Variants in FIGN observed in about 807,000 individuals in gnomAD.
FIGN encodes the protein fidgetin.
Under a neutral mutation model 51.3 loss-of-function variants are expected in FIGN, and 11 were observed. That is an observed-to-expected ratio of 0.21 (90% CI 0.13 to 0.35). The LOEUF (loss-of-function observed/expected upper bound fraction) is 0.35. Among genes scored for constraint, FIGN ranks in the 10% least tolerant of loss-of-function variants. FIGN has a pLI of 1.00. For missense variants in FIGN, 857 were observed against 943.6 expected, an observed-to-expected ratio of 0.91 and a Z score of 1.20; for synonymous variants, 407 against 363.2, an observed-to-expected ratio of 1.12 and a Z score of -1.37.
chr2:163,629,156 G>A (rs1000235526), intron 2 of FIGN, among the ~76,000 whole-genome samples: 18 of 151,988 alleles, frequency 1.2e-4, no homozygotes, highest in East Asian at 1.9e-4. Context: ...AAAACTCTTC[G>A]GTTATACAAA....
intron 2 of FIGN, among the ~76,000 whole-genome samples, chr2:163,639,557 C>T (rs1219891887): frequency 5.3e-5 from 8 of 152,066 alleles, no homozygotes; most frequent in African/African-American, 1.4e-4. Flanking sequence ...ACTCAAACCA[C>T]GGTGATAGTG....
chr2:163,677,655 A>G (rs1683992955), intron 2 of FIGN, among the ~76,000 whole-genome samples: 1 of 152,232 alleles, frequency 6.6e-6, no homozygotes, highest in Non-Finnish European at 1.5e-5. Context: ...CTTATTTAAA[A>G]AAGGATTCTT....
Position 163,645,025 on chromosome 2 carries a change from C to T in FIGN, c.26-33219G>A, listed in dbSNP as rs117343414. The stretch of plus-strand genomic sequence containing the variant: ...CTGACTATGGTGATGGCTGCATATA[C>T]CTGTGGCTATACTAGAAACTATTGA... On this transcript the variant is annotated intron_variant, in intron 2 of 2. Transcript: ENST00000333129. Among the ~76,000 whole-genome samples, 24 of 152,134 alleles carry T rather than the reference C, an allele frequency of 1.6e-4. No individual in the cohort carries two copies. In the East Asian group the frequency reaches 4.4e-3, roughly 28 times the overall value.
Position 163,607,488 on chromosome 2 carries a change from C to T in FIGN, c.*2064G>A, listed in dbSNP as rs1192435606. 1 of 152,288 alleles carries T rather than the reference C, an allele frequency of 6.6e-6. No homozygotes were observed. The highest frequency in any genetic ancestry group is 1.9e-4 in the East Asian group (1 of 5,176). 9.4% of individuals were successfully genotyped at this position (152,288 alleles called of 1,614,324 possible). On this transcript the variant is annotated 3_prime_UTR_variant, in exon 3 of 3. Transcript: ENST00000333129. ...AAAAAGGGGAGTAAAGATCAAGCATCATAAAATTTCAGAGATAAGAAATCC... is the reference window on the plus strand; with the variant it reads ...AAAAAGGGGAGTAAAGATCAAGCATTATAAAATTTCAGAGATAAGAAATCC...
intron 2 of FIGN, among the ~76,000 whole-genome samples, chr2:163,677,227 C>T (rs1683987183): frequency 6.6e-6 from 1 of 152,208 alleles, no homozygotes; most frequent in Admixed American, 6.5e-5. Context: ...AAATAGGAAG[C>T]TCTACTGTTT....
At chr2:163,676,016 C>G (rs1573942905) in intron 2 of FIGN, among the ~76,000 whole-genome samples, 1 of 151,510 alleles carries the variant, frequency 6.6e-6, no homozygotes, top group East Asian at 1.9e-4. Context: ...ATTGTGACTT[C>G]AGTATTTAGA....
chr2:163,714,961 G>A (rs577622940), intron 2 of FIGN, among the ~76,000 whole-genome samples: 2 of 152,304 alleles, frequency 1.3e-5, no homozygotes, highest in East Asian at 3.9e-4. Flanking sequence ...GGCCTAAAAT[G>A]TGAATTTAAC....
intron 2 of FIGN, among the ~76,000 whole-genome samples, chr2:163,672,885 T>G (rs1293782979): frequency 6.6e-6 from 1 of 152,226 alleles, no homozygotes; most frequent in African/African-American, 2.4e-5. Flanking sequence ...TTGAATGAGA[T>G]GTATTTTACC....
intron 2 of FIGN, among the ~76,000 whole-genome samples, chr2:163,707,502 T>C (rs750415366): frequency 7.2e-5 from 11 of 152,248 alleles, no homozygotes; most frequent in Admixed American, 2.0e-4. Context: ...GCAGAAGAGA[T>C]GGAATTTGGA....
intron 2 of FIGN, among the ~76,000 whole-genome samples, chr2:163,674,184 A>T (rs1267460777): frequency 2.6e-5 from 4 of 151,828 alleles, no homozygotes; most frequent in Non-Finnish European, 1.5e-5. Context: ...AGTTTTACTA[A>T]CTCCAATTTA....
chr2:163,648,773 G>C (rs1456205291), intron 2 of FIGN, among the ~76,000 whole-genome samples: 2 of 152,096 alleles, frequency 1.3e-5, no homozygotes, highest in Non-Finnish European at 2.9e-5. Context: ...CTCCCATACC[G>C]TAAACACTTT....
intron 2 of FIGN, among the ~76,000 whole-genome samples, chr2:163,733,296 T>C (rs1684960993): frequency 6.6e-6 from 1 of 152,224 alleles, no homozygotes; most frequent in African/African-American, 2.4e-5. Flanking sequence ...TAATTGCCTA[T>C]GCCAGTATGT....
chr2:163,735,047 G>A lies in FIGN; in HGVS notation c.-120C>T. 6 of 972,258 alleles carry A rather than the reference G, an allele frequency of 6.2e-6. 1 individual carries two copies. The South Asian group carries it at 9.3e-5, about 15-fold the overall frequency. The allele number at this position is 972,258 out of a possible 1,614,324, so 60.2% of individuals were successfully genotyped here. On this transcript the variant is annotated 5_prime_UTR_variant, in exon 2 of 3. Coordinates refer to ENST00000333129, the MANE Select transcript of FIGN (RefSeq NM_018086.4). ...CAAATGTCACTGCCTTGAAACGTGGGCCCTTTCGTCAGGTATTCATTTAAC... is the reference window on the plus strand; with the variant it reads ...CAAATGTCACTGCCTTGAAACGTGGACCCTTTCGTCAGGTATTCATTTAAC...
rs1263344623 is a variant in FIGN, at chr2:163,609,893, G to A, written c.1939C>T (p.Arg647Ter). The A allele has an allele frequency of 6.2e-7, 1 of 1,614,102 alleles. No homozygotes were observed. Among genetic ancestry groups the A allele is most frequent in the Non-Finnish European group, 8.5e-7 (1 of 1,180,026 alleles). Reference sequence around the variant, plus strand: ...CTGTCAGGAAGTGGGATTAAAAGTCGTTTCATGAAGTACCTCCGAAGGGAT... The same window carrying A: ...CTGTCAGGAAGTGGGATTAAAAGTCATTTCATGAAGTACCTCCGAAGGGAT... ...DESLRRYFMK[R>*]LLIPLPDSTA... Residue 647 changes from arginine to a stop codon, truncating the protein, a stop_gained, in exon 3 of 3, where the codon CGA becomes TGA. Coordinates refer to ENST00000333129, the MANE Select transcript of FIGN (RefSeq NM_018086.4). LOFTEE classifies it high-confidence loss of function.
chr2:163,608,289 G>A lies in FIGN; in HGVS notation c.*1263C>T, dbSNP rs1691155151. ...TATGTGTATGTAAGTTGGTTTGTTG[G>A]TTGGTTTTTGTTTTTATTTATTTGT... On this transcript the variant is annotated 3_prime_UTR_variant, in exon 3 of 3. Coordinates refer to ENST00000333129, the MANE Select transcript of FIGN (RefSeq NM_018086.4). 1 of 152,566 alleles carries A rather than the reference G, an allele frequency of 6.6e-6. No homozygotes were observed. The highest frequency in any genetic ancestry group is 2.4e-5 in the African/African-American group (1 of 41,422). 9.5% of individuals were successfully genotyped at this position (152,566 alleles called of 1,614,324 possible). A position where few individuals can be genotyped will look rare whatever the true frequency, so the allele number is the denominator to read the frequency against.
At chr2:163,612,185 A>T in intron 2 of FIGN, 2 of 464,768 alleles carry the variant, frequency 4.3e-6, no homozygotes, top group Non-Finnish European at 5.7e-6. Flanking sequence ...AGGTTCTTAA[A>T]ATAAGCAGAC....
In FIGN at chr2:163,734,905, T is replaced by C; in HGVS notation, c.23A>G (p.Tyr8Cys). The change falls in exon 2 of 3, where the codon TAT becomes TGT. Residue 8 changes from tyrosine (Y) to cysteine (C), a missense_variant and splice_region_variant. Tyr to Cys is a radical substitution (Grantham distance 194, BLOSUM62 -2). This residue lies in a region of FIGN where 56 missense variants were observed against 75.3 expected (regional missense o/e 0.74). Transcript: ENST00000333129. Reference protein sequence around the residue: MISSTSVYGLKMQWTPEH... With the variant: MISSTSVCGLKMQWTPEH... ...AGTAAATTCCAAAACTGACATACCATAAACACTGGTGCTACTGATCATTTC... is the reference window on the plus strand; with the variant it reads ...AGTAAATTCCAAAACTGACATACCACAAACACTGGTGCTACTGATCATTTC... 6.2e-7 allele frequency: 1 copy of C among 1,609,926 alleles called. No individual in the cohort carries two copies. Among genetic ancestry groups the C allele is most frequent in the South Asian group, 1.1e-5 (1 of 90,296 alleles).
chr2:163,685,657 C>T (rs969558564), intron 2 of FIGN, among the ~76,000 whole-genome samples: 3 of 152,160 alleles, frequency 2.0e-5, no homozygotes, highest in Non-Finnish European at 2.9e-5. Context: ...TCAATATTAA[C>T]GATCTTGCAG....
chr2:163,712,741 C>T (rs1048976736), intron 2 of FIGN, among the ~76,000 whole-genome samples: 6 of 152,014 alleles, frequency 3.9e-5, no homozygotes, highest in Non-Finnish European at 8.8e-5. Context: ...AATTCAAATA[C>T]AATGTTAATG....
Sources: allele counts gnomAD v4.1 joint callset (sites outside exome capture counted in the v4.1 genomes callset), GRCh38; gene constraint gnomAD v4.1.1; regional missense constraint gnomAD v4.1.1; transcripts MANE v1.5; gene names NCBI Gene and HGNC (gene_info 2026-07-23, HGNC 2026-07-21).